Variants in DLC1 observed in about 807,000 individuals in gnomAD.
The protein encoded by DLC1 is DLC1 Rho GTPase activating protein, also known as rho GTPase-activating protein 7.
Under a neutral mutation model 140.3 loss-of-function variants are expected in DLC1, and 54 were observed. The observed-to-expected ratio is 0.38, with a 90% CI of 0.31 to 0.48. The LOEUF (loss-of-function observed/expected upper bound fraction) is 0.48. Among genes scored for constraint, DLC1 ranks in the 20% least tolerant of loss-of-function variants. The pLI is 0.96. For missense variants in DLC1, 2,536 were observed against 1,907.0 expected (o/e 1.33, Z -6.14); for synonymous variants, 986 against 728.1 (o/e 1.35, Z -5.70).
At chr8:13,331,438 T>A (rs1013045031) in intron 4 of DLC1, among the ~76,000 whole-genome samples, 4 of 152,122 alleles carry the variant, frequency 2.6e-5, no homozygotes, top group African/African-American at 9.7e-5. Context: ...CCAAAGAAGA[T>A]TGAGTAAAGA....
intron 5 of DLC1, among the ~76,000 whole-genome samples, chr8:13,189,964 G>A (rs1359974220): frequency 2.0e-5 from 3 of 151,944 alleles, no homozygotes; most frequent in Non-Finnish European, 4.4e-5. Flanking sequence ...AGAGCCCAGC[G>A]CATGGACAGA....
intron 4 of DLC1, among the ~76,000 whole-genome samples, chr8:13,321,164 A>T (rs559512503): frequency 2.0e-5 from 3 of 152,212 alleles, no homozygotes; most frequent in African/African-American, 7.2e-5. Flanking sequence ...AAGAACTTTT[A>T]AAAAAATACT....
chr8:13,464,270 G>C (rs1262647873), intron 2 of DLC1, among the ~76,000 whole-genome samples: 1 of 152,176 alleles, frequency 6.6e-6, no homozygotes, highest in East Asian at 1.9e-4. Context: ...AAAAGCAACA[G>C]TAGCTACTCT....
chr8:13,215,992 T>A (rs1828184373), intron 5 of DLC1, among the ~76,000 whole-genome samples: 1 of 152,110 alleles, frequency 6.6e-6, no homozygotes, highest in South Asian at 2.1e-4. Context: ...CAGAAAAGTT[T>A]CCTAGGTGAT....
intron 2 of DLC1, among the ~76,000 whole-genome samples, chr8:13,442,397 T>C (rs1468816228): frequency 6.6e-6 from 1 of 152,060 alleles, no homozygotes; most frequent in Non-Finnish European, 1.5e-5. Flanking sequence ...CAAAAGAAAC[T>C]ACCATCACAG....
intron 1 of DLC1, among the ~76,000 whole-genome samples, chr8:13,552,938 A>G (rs1209467421): frequency 6.6e-6 from 1 of 151,718 alleles, no homozygotes; most frequent in African/African-American, 2.4e-5. Flanking sequence ...AGAAGAAATT[A>G]TTTAATTTTA....
At chr8:13,349,158 G>A (rs1002293035) in intron 4 of DLC1, among the ~76,000 whole-genome samples, 7 of 152,126 alleles carry the variant, frequency 4.6e-5, no homozygotes, top group African/African-American at 1.7e-4. Flanking sequence ...GCAGAGCTGA[G>A]GGCAGGATGA....
intron 1 of DLC1, among the ~76,000 whole-genome samples, chr8:13,562,946 T>C (rs2117385681): frequency 6.6e-6 from 1 of 151,904 alleles, no homozygotes; most frequent in African/African-American, 2.4e-5. Context: ...GTGTAGAGTA[T>C]GTCAATGTGT....
intron 1 of DLC1, among the ~76,000 whole-genome samples, chr8:13,539,180 T>G (rs1427256273): frequency 8.2e-6 from 1 of 121,532 alleles, no homozygotes; most frequent in Non-Finnish European, 2.0e-5. Flanking sequence ...AAATTGTATG[T>G]ATGTGTGTAT....
intron 2 of DLC1, among the ~76,000 whole-genome samples, chr8:13,432,942 CTTTTTTTTTTTTT>C (rs35776848): frequency 1.1e-5 from 1 of 93,016 alleles, no homozygotes; most frequent in African/African-American, 4.0e-5. Flanking sequence ...TCCTCTCTTC[CTTTTTTTTTTTTT>C]TTTTTTTTTT....
chr8:13,324,869 C>T (rs541707506), intron 4 of DLC1, among the ~76,000 whole-genome samples: 8 of 151,938 alleles, frequency 5.3e-5, no homozygotes, highest in Non-Finnish European at 1.2e-4. Context: ...GTGTGTCTGT[C>T]TGTATTTCTA....
At chr8:13,303,301 C>T (rs1460224066) in intron 5 of DLC1, among the ~76,000 whole-genome samples, 1 of 152,072 alleles carries the variant, frequency 6.6e-6, no homozygotes, top group Non-Finnish European at 1.5e-5. Context: ...GTGGAGATCA[C>T]ATATGTCATC....
chr8:13,253,623 C>G (rs1033360216), intron 5 of DLC1, among the ~76,000 whole-genome samples: 1 of 152,162 alleles, frequency 6.6e-6, no homozygotes, highest in Non-Finnish European at 1.5e-5. Flanking sequence ...CTTAGTAAAT[C>G]ATCTCACCTG....
At chr8:13,280,266 C>A (rs1203772675) in intron 5 of DLC1, among the ~76,000 whole-genome samples, 2 of 112,502 alleles carry the variant, frequency 1.8e-5, no homozygotes, top group African/African-American at 3.6e-5. Flanking sequence ...CCAGCCTGGG[C>A]AACGGAGAGA....
intron 3 of DLC1, among the ~76,000 whole-genome samples, chr8:13,398,578 G>T (rs1586276286): frequency 7.3e-6 from 1 of 136,402 alleles, no homozygotes; most frequent in East Asian, 2.2e-4. Context: ...CATAGAGCTG[G>T]GCAACATAGA....
At chr8:13,219,176 T>TTATATGAATA (rs1828406884) in intron 5 of DLC1, among the ~76,000 whole-genome samples, 2 of 64,020 alleles carry the variant, frequency 3.1e-5, no homozygotes, top group Non-Finnish European at 5.5e-5. Context: ...AACTATATAA[T>TTATATGAATA]TATATGAATA....
At chr8:13,231,527 T>A (rs1422403017) in intron 5 of DLC1, among the ~76,000 whole-genome samples, 1 of 152,232 alleles carries the variant, frequency 6.6e-6, no homozygotes, top group Non-Finnish European at 1.5e-5. Context: ...AATACATGCC[T>A]CTTGAAGAAA....
intron 5 of DLC1, chr8:13,133,261 C>T (rs1222848397): frequency 2.2e-6 from 3 of 1,343,248 alleles, no homozygotes; most frequent in Admixed American, 3.7e-5. Flanking sequence ...GGGAGCGAAG[C>T]GCCCTCGCTC....
chr8:13,453,731 T>C (rs886095486), intron 2 of DLC1, among the ~76,000 whole-genome samples: 1 of 150,860 alleles, frequency 6.6e-6, no homozygotes, highest in African/African-American at 2.4e-5. Flanking sequence ...CGTCCTGTAA[T>C]TTGAAACTCA....
Sources: allele counts gnomAD v4.1 joint callset (sites outside exome capture counted in the v4.1 genomes callset), GRCh38; gene constraint gnomAD v4.1.1; transcripts MANE v1.5; gene names NCBI Gene and HGNC (gene_info 2026-07-23, HGNC 2026-07-21).